The following TMEM147 variants were observed in gnomAD, a reference collection of about 807,000 sequenced individuals.
TMEM147 encodes the protein transmembrane protein 147.
TMEM147 carries 29 observed loss-of-function variants against 29.4 expected under a neutral mutation model. The observed-to-expected ratio is 0.99, with a 90% CI of 0.73 to 1.34. The LOEUF is 1.34. Among genes scored for constraint, TMEM147 ranks in the 40% most tolerant of loss-of-function variants. The pLI is 0.00. For synonymous variants in TMEM147, 121 were observed against 111.8 expected, an observed-to-expected ratio of 1.08 and a Z score of -0.52; for missense variants, 260 against 289.4, an observed-to-expected ratio of 0.90 and a Z score of 0.74.
At position 35,546,554 on chromosome 19, in the gene TMEM147, C is replaced by T; in HGVS notation, c.176C>T (p.Thr59Ile). The change falls in exon 3 of 7, where the codon ACC becomes ATC. Residue 59 changes from threonine to isoleucine, a missense_variant. Physicochemically the swap from Thr to Ile is moderately conservative, Grantham distance 89. Coordinates refer to ENST00000222284, the MANE Select transcript of TMEM147 (RefSeq NM_032635.4). ...KMLFLATFFP[T>I]WEGGIYDFIG... ...CTGTTCTTGGCCACTTTCTTTCCCACCTGGGAAGGCGGCATCTATGACTTC... is the reference window on the plus strand; with the variant it reads ...CTGTTCTTGGCCACTTTCTTTCCCATCTGGGAAGGCGGCATCTATGACTTC... 1.9e-6 allele frequency: 3 copies of T among 1,613,508 alleles called. No homozygotes were observed. The highest frequency in any genetic ancestry group is 2.5e-6 in the Non-Finnish European group (3 of 1,179,796).
rs1244333090 is a variant in TMEM147 at position 35,545,936 on chromosome 19, C to T, written c.126C>T (p.Tyr42=). Residue 42 remains tyrosine, a synonymous_variant, in exon 2 of 7, where the codon TAC becomes TAT. Coordinates refer to ENST00000222284, the MANE Select transcript of TMEM147 (RefSeq NM_032635.4). ...AATGCGTCCAGGCTGGAGTCACCTA[C>T]CTCTTTGTCCAACTCTGCAAGGTGA... ...FWKCVQAGVT[Y]LFVQLCKMLF... is the part of the protein sequence containing the mutation. 4 of 1,613,890 alleles carry T rather than the reference C, an allele frequency of 2.5e-6. No homozygotes were observed. Among genetic ancestry groups the T allele is most frequent in the African/African-American group, 1.3e-5 (1 of 75,064 alleles).
Position 35,546,798 on chromosome 19 carries a change from A to G in TMEM147, c.334A>G (p.Ile112Val). ...CCTGGGCTGGGCCACTGCTGAGCTTATTATGTCCCGGTGCGTACAGCAGCC... is the reference window on the plus strand; with the variant it reads ...CCTGGGCTGGGCCACTGCTGAGCTTGTTATGTCCCGGTGCGTACAGCAGCC... Reference protein sequence around the residue: ...AALGWATAELIMSRCIPLWVG... With the variant: ...AALGWATAELVMSRCIPLWVG... Residue 112 changes from isoleucine (I) to valine (V), a missense_variant, in exon 4 of 7, where the codon ATT becomes GTT. Coordinates refer to ENST00000222284, the MANE Select transcript of TMEM147 (RefSeq NM_032635.4). 6.2e-7 allele frequency: 1 copy of G among 1,614,186 alleles called. No individual in the cohort carries two copies. The highest frequency in any genetic ancestry group is 8.5e-7 in the Non-Finnish European group (1 of 1,180,036).
Position 35,546,573 on chromosome 19 carries a change from T to A in TMEM147, c.195T>A (p.Tyr65Ter). 1 of 1,613,558 alleles carries A rather than the reference T, an allele frequency of 6.2e-7. No homozygotes were observed. Among genetic ancestry groups the A allele is most frequent in the Non-Finnish European group, 8.5e-7 (1 of 1,179,818 alleles). Residue 65 changes from tyrosine (Y) to a stop codon, truncating the protein, a stop_gained, in exon 3 of 7, where the codon TAT becomes TAA. Coordinates refer to ENST00000222284, the MANE Select transcript of TMEM147 (RefSeq NM_032635.4). LOFTEE classifies it high-confidence loss of function. The part of the protein sequence containing the change: ...TFFPTWEGGI[Y>*]DFIGEFMKAS... The stretch of plus-strand genomic sequence containing the variant: ...TTCCCACCTGGGAAGGCGGCATCTA[T>A]GACTTCATTGGGGTGAGAGGGGCCA...
At position 35,547,143 on chromosome 19, in the gene TMEM147, C is replaced by G. The variant is rs1376831664; in HGVS notation, c.454C>G (p.Gln152Glu). 2.5e-6 allele frequency: 4 copies of G among 1,614,172 alleles called. No homozygotes were observed. Among genetic ancestry groups the G allele is most frequent in the Non-Finnish European group, 2.5e-6 (3 of 1,180,034 alleles). ...SLVHYIVASA[Q>E]VWMITRYDLY... Reference sequence around the variant, plus strand: ...GGTCCATTACATCGTCGCGTCTGCTCAGGTCTGGATGATAACACGCTATGA... The same window carrying G: ...GGTCCATTACATCGTCGCGTCTGCTGAGGTCTGGATGATAACACGCTATGA... The change falls in exon 6 of 7, where the codon CAG becomes GAG. Residue 152 changes from glutamine (Q) to glutamate (E), a missense_variant. Physicochemically the swap from Gln to Glu is conservative, Grantham distance 29. Transcript: ENST00000222284.
At chr19:35,546,479 T>C in intron 2 of TMEM147, 47 bp from the exon 3 acceptor site, 2 of 1,582,490 alleles carry the variant, frequency 1.3e-6, no homozygotes, top group Non-Finnish European at 1.7e-6. Flanking sequence ...GTGGTTTATC[T>C]TGATCCCCTC....
intron 5 of TMEM147, 41 bp downstream of exon 5, chr19:35,547,070 G>C (rs370012090): frequency 1.1e-5 from 18 of 1,614,066 alleles, no homozygotes; most frequent in Non-Finnish European, 1.4e-5. Flanking sequence ...TTCTGCTGGC[G>C]GCCATACTCC....
rs1001207725 is a variant in TMEM147 at position 35,547,327 on chromosome 19, C to T, written c.555C>T (p.Thr185=). 14 of 1,613,922 alleles carry T rather than the reference C, an allele frequency of 8.7e-6. No homozygotes were observed. Among genetic ancestry groups the T allele is most frequent in the Non-Finnish European group, 1.2e-5 (14 of 1,179,952 alleles). ...TTATTGTGACATTTTCCTGCAGGAC[C>T]TTCGTCCACCTCTGCTCGCTGGGCA... is the stretch of plus-strand genomic sequence containing the variant. ...LSVYKAFVME[T]FVHLCSLGSW... Residue 185 remains threonine (T), a synonymous_variant, in exon 7 of 7, where the codon ACC becomes ACT. Coordinates refer to ENST00000222284, the MANE Select transcript of TMEM147 (RefSeq NM_032635.4).
Position 35,545,650 on chromosome 19 carries a change from C to A in TMEM147, c.-90C>A. The A allele has an allele frequency of 7.0e-7, 1 of 1,425,576 alleles. No homozygotes were observed. The highest frequency in any genetic ancestry group is 9.5e-7 in the Non-Finnish European group (1 of 1,052,022). 88.3% of individuals were successfully genotyped at this position (1,425,576 alleles called of 1,614,324 possible). On this transcript the variant is annotated 5_prime_UTR_variant, in exon 1 of 7. Transcript: ENST00000222284. ...CAGTCAGGTGGGTGCCAGGCCCTGGCCGTGGCGAAAGAGCCGGCGGAGCCG... is the reference window on the plus strand; with the variant it reads ...CAGTCAGGTGGGTGCCAGGCCCTGGACGTGGCGAAAGAGCCGGCGGAGCCG...
In TMEM147 at chr19:35,546,963, C is replaced by G. The variant is rs746155772; in HGVS notation, c.363C>G (p.Val121=). The change falls in exon 5 of 7, where the codon GTC becomes GTG. Residue 121 remains valine (V), a synonymous_variant. Coordinates refer to ENST00000222284, the MANE Select transcript of TMEM147 (RefSeq NM_032635.4). The part of the protein sequence containing the change: ...LIMSRCIPLW[V]GARGIEFDWK... ...TCCTCAGCTGCATTCCCCTATGGGT[C>G]GGAGCCCGGGGCATTGAGTTTGACT... is the stretch of plus-strand genomic sequence containing the variant. The G allele has an allele frequency of 2.5e-6, 4 of 1,614,022 alleles. No individual in the cohort carries two copies. In the African/African-American group the frequency reaches 4.0e-5, roughly 16 times the overall value.
At position 35,546,936 on chromosome 19, in the gene TMEM147, C is replaced by T; in HGVS notation, c.345-9C>T. ...AGTACTGGAGAATCCCATCCTTTGC[C>T]TTCCTCAGCTGCATTCCCCTATGGG... On this transcript the variant is annotated splice_polypyrimidine_tract_variant and intron_variant, in intron 4 of 6. Transcript: ENST00000222284. 6.2e-7 allele frequency: 1 copy of T among 1,614,154 alleles called. No homozygotes were observed. Among genetic ancestry groups the T allele is most frequent in the Non-Finnish European group, 8.5e-7 (1 of 1,180,034 alleles).
At chr19:35,546,325 T>TC in intron 2 of TMEM147, 1 of 643,256 alleles carries the variant, frequency 1.6e-6, no homozygotes, top group Non-Finnish European at 2.6e-6. Context: ...AACTCAAACT[T>TC]CCAGCCCCCT....
In TMEM147 at chr19:35,546,532, T is replaced by G; in HGVS notation, c.154T>G (p.Phe52Val). ...TTCTGCTTTCTGTTCTCAGATGCTG[T>G]TCTTGGCCACTTTCTTTCCCACCTG... is the stretch of plus-strand genomic sequence containing the variant. ...YLFVQLCKMLFLATFFPTWEG... is the reference protein window; with the variant it reads ...YLFVQLCKMLVLATFFPTWEG... Residue 52 changes from phenylalanine (F) to valine (V), a missense_variant, in exon 3 of 7, where the codon TTC becomes GTC. Physicochemically the swap from Phe to Val is conservative, Grantham distance 50 (BLOSUM62 -1). Transcript: ENST00000222284. 3 of 1,612,980 alleles carry G rather than the reference T, an allele frequency of 1.9e-6. No individual in the cohort carries two copies. The highest frequency in any genetic ancestry group is 2.5e-6 in the Non-Finnish European group (3 of 1,179,506).
intron 2 of TMEM147, chr19:35,546,175 T>C (rs2071554533): frequency 6.4e-6 from 4 of 629,738 alleles, no homozygotes; most frequent in Non-Finnish European, 1.1e-5. Context: ...TTAGTAAAAC[T>C]GAGAAAACCT....
chr19:35,545,897 C>T lies in TMEM147; in HGVS notation c.87C>T (p.Tyr29=). Residue 29 remains tyrosine (Y), a synonymous_variant, in exon 2 of 7, where the codon TAC becomes TAT. Transcript: ENST00000222284. The stretch of plus-strand genomic sequence containing the variant: ...CCTCCCGCTTCTCCAGGTCCGAGTA[C>T]AACGCCTTCTGGAAATGCGTCCAGG... ...ITYKCSGLSE[Y]NAFWKCVQAG... 1 of 1,613,990 alleles carries T rather than the reference C, an allele frequency of 6.2e-7. No homozygotes were observed. The highest frequency in any genetic ancestry group is 8.5e-7 in the Non-Finnish European group (1 of 1,179,924).
chr19:35,545,954 C>T lies in TMEM147; in HGVS notation c.144C>T (p.Cys48=), dbSNP rs374609274. Reference sequence around the variant, plus strand: ...TCACCTACCTCTTTGTCCAACTCTGCAAGGTGAGGGCCACCGGGAAGCCAC... The same window carrying T: ...TCACCTACCTCTTTGTCCAACTCTGTAAGGTGAGGGCCACCGGGAAGCCAC... ...AGVTYLFVQL[C]KMLFLATFFP... The change falls in exon 2 of 7, where the codon TGC becomes TGT. Residue 48 remains cysteine, a synonymous_variant. Coordinates refer to ENST00000222284, the MANE Select transcript of TMEM147 (RefSeq NM_032635.4). 3 of 1,613,312 alleles carry T rather than the reference C, an allele frequency of 1.9e-6. No individual in the cohort carries two copies. In the African/African-American group the frequency reaches 4.0e-5, roughly 22 times the overall value.
At chr19:35,546,310 C>A (rs1012219919) in intron 2 of TMEM147, 4 of 616,924 alleles carry the variant, frequency 6.5e-6, no homozygotes, top group Non-Finnish European at 1.1e-5. Context: ...CCTGTGATCA[C>A]CCAGAACTCA....
Position 35,547,470 on chromosome 19 carries a change from G to A in TMEM147, c.*23G>A, listed in dbSNP as rs754207957. ...TAGGCTTGGTGTCTCAGACATTGAT[G>A]TACCTTTTCCCTGCCTCACTCCAGG... On this transcript the variant is annotated 3_prime_UTR_variant, in exon 7 of 7. Coordinates refer to ENST00000222284, the MANE Select transcript of TMEM147 (RefSeq NM_032635.4). 9.3e-6 allele frequency: 15 copies of A among 1,609,106 alleles called. No individual in the cohort carries two copies. The highest frequency in any genetic ancestry group is 2.2e-5 in the East Asian group (1 of 44,758).
Position 35,546,089 on chromosome 19 carries a change from C to G in TMEM147, c.147+132C>G. On this transcript the variant is annotated intron_variant, in intron 2 of 6. Coordinates refer to ENST00000222284, the MANE Select transcript of TMEM147 (RefSeq NM_032635.4). ...CTCGGGACTCCGCACTGGGAGGCGT[C>G]AGGATACCTAGAGAGGATGGACTTT... 2 of 1,017,070 alleles carry G rather than the reference C, an allele frequency of 2.0e-6. 1 individual carries two copies. The highest frequency in any genetic ancestry group is 2.8e-5 in the South Asian group (2 of 71,860). The allele number at this position is 1,017,070 out of a possible 1,614,324, so 63.0% of individuals were successfully genotyped here. A position where few individuals can be genotyped will look rare whatever the true frequency, so the allele number is the denominator to read the frequency against.
In TMEM147 at chr19:35,545,657, G is replaced by GA; in HGVS notation, c.-80dup. The GA allele has an allele frequency of 6.7e-7, 1 of 1,501,474 alleles. No homozygotes were observed. Among genetic ancestry groups the GA allele is most frequent in the Non-Finnish European group, 9.0e-7 (1 of 1,114,140 alleles). 93.0% of individuals were successfully genotyped at this position (1,501,474 alleles called of 1,614,324 possible). On this transcript the variant is annotated 5_prime_UTR_variant, in exon 1 of 7. Transcript: ENST00000222284. ...GTGGGTGCCAGGCCCTGGCCGTGGCGAAAGAGCCGGCGGAGCCGGAGACCC... is the reference window on the plus strand; with the variant it reads ...GTGGGTGCCAGGCCCTGGCCGTGGCGAAAAGAGCCGGCGGAGCCGGAGACCC...
Sources: allele counts gnomAD v4.1 joint callset, GRCh38; gene constraint gnomAD v4.1.1; transcripts MANE v1.5; gene names NCBI Gene and HGNC (gene_info 2026-07-23, HGNC 2026-07-21).